Variants in MAPK4 observed in about 807,000 individuals in gnomAD.
MAPK4 encodes the protein mitogen-activated protein kinase 4.
Under a neutral mutation model 47.7 loss-of-function variants are expected in MAPK4, and 22 were observed. That is an observed-to-expected ratio of 0.46 (90% CI 0.33 to 0.66). MAPK4 has a LOEUF of 0.66. Ranked by LOEUF, MAPK4 falls within the 30% of genes least tolerant of loss-of-function variation. MAPK4 has a pLI of 0.02. For missense variants in MAPK4, 736 were observed against 831.7 expected (o/e 0.88, Z 1.42); for synonymous variants, 390 against 365.7 (o/e 1.07, Z -0.76).
intron 2 of MAPK4, among the ~76,000 whole-genome samples, chr18:50,699,746 G>GGAGAT (rs1342587537): frequency 3.9e-5 from 6 of 152,156 alleles, no homozygotes; most frequent in African/African-American, 1.4e-4. Flanking sequence ...CTACAAATTT[G>GGAGAT]GAGATTCTCA....
chr18:50,625,213 A>G lies in MAPK4; in HGVS notation c.-870-37876A>G, dbSNP rs553042677. The stretch of plus-strand genomic sequence containing the variant: ...TGGGAGAGAGAACAAGTCAAGGAGG[A>G]ACCAAAGCTGGTCCTGGAAAATGCA... On this transcript the variant is annotated intron_variant, in intron 1 of 5. Transcript: ENST00000400384. Among the ~76,000 whole-genome samples, 8 of 152,246 alleles carry G rather than the reference A, an allele frequency of 5.3e-5. No homozygotes were observed. The South Asian group carries it at 1.7e-3, about 32-fold the overall frequency.
intron 4 of MAPK4, among the ~76,000 whole-genome samples, chr18:50,725,563 A>G (rs1193910103): frequency 1.3e-5 from 2 of 152,216 alleles, no homozygotes; most frequent in African/African-American, 2.4e-5. Flanking sequence ...GGAGGATCCC[A>G]GATGCCCACA....
At position 50,729,608 on chromosome 18, in the gene MAPK4, C is replaced by T. The variant is rs866724311; in HGVS notation, c.1518C>T (p.His506=). ...AGAGCACGCAGGGCGGCCCAGAGCA[C>T]GCCAGCCCGCCCGCCGACGACCCCG... is the stretch of plus-strand genomic sequence containing the variant. ...WVKSTQGGPE[H]ASPPADDPER... is the part of the protein sequence containing the mutation. Residue 506 remains histidine (H), a synonymous_variant, in exon 6 of 6, where the codon CAC becomes CAT. Coordinates refer to ENST00000400384, the MANE Select transcript of MAPK4 (RefSeq NM_002747.4). 3 of 1,376,322 alleles carry T rather than the reference C, an allele frequency of 2.2e-6. No individual in the cohort carries two copies. Among genetic ancestry groups the T allele is most frequent in the Admixed American group, 3.8e-5 (1 of 26,540 alleles). The allele number at this position is 1,376,322 out of a possible 1,614,324, so 85.3% of individuals were successfully genotyped here.
intron 1 of MAPK4, among the ~76,000 whole-genome samples, chr18:50,622,536 C>T (rs2042741519): frequency 6.6e-6 from 1 of 152,220 alleles, no homozygotes; most frequent in East Asian, 1.9e-4. Context: ...GCCACTGAGT[C>T]TGCTGACAGC....
intron 1 of MAPK4, among the ~76,000 whole-genome samples, chr18:50,626,429 T>C (rs2042778877): frequency 6.6e-6 from 1 of 152,038 alleles, no homozygotes; most frequent in Non-Finnish European, 1.5e-5. Flanking sequence ...GCGTCTGCGG[T>C]CCTTGCACAC....
Position 50,718,857 on chromosome 18 carries a change from G to A in MAPK4, c.692-3081G>A, listed in dbSNP as rs551076198. 5.9e-5 allele frequency among the ~76,000 whole-genome samples: 9 copies of A among 152,102 alleles called. No individual in the cohort carries two copies. In the South Asian group the frequency reaches 1.2e-3, roughly 21 times the overall value. ...AGCACTTTGGGAGGCCGAGGTGGGC[G>A]GATTGCCTGAGGTCAGGAGCTCCAG... On this transcript the variant is annotated intron_variant, in intron 3 of 5. Coordinates refer to ENST00000400384, the MANE Select transcript of MAPK4 (RefSeq NM_002747.4).
At chr18:50,609,458 A>G (rs1401599369) in intron 1 of MAPK4, among the ~76,000 whole-genome samples, 1 of 151,948 alleles carries the variant, frequency 6.6e-6, no homozygotes, top group Non-Finnish European at 1.5e-5. Context: ...ACTGAGGCTC[A>G]TGTAGGTAAA....
intron 1 of MAPK4, among the ~76,000 whole-genome samples, chr18:50,592,659 T>C (rs1168564196): frequency 3.3e-5 from 5 of 152,256 alleles, no homozygotes; most frequent in African/African-American, 1.2e-4. Flanking sequence ...GGAAAATTTA[T>C]TGATTGATCA....
At chr18:50,680,222 G>A (rs893901248) in intron 2 of MAPK4, among the ~76,000 whole-genome samples, 7 of 150,552 alleles carry the variant, frequency 4.6e-5, no homozygotes, top group African/African-American at 1.7e-4. Flanking sequence ...CTTCCAAGTA[G>A]CTGGGATTAC....
chr18:50,612,014 C>T (rs1463977545), intron 1 of MAPK4, among the ~76,000 whole-genome samples: 2 of 152,166 alleles, frequency 1.3e-5, no homozygotes, highest in African/African-American at 4.8e-5. Flanking sequence ...CATGTTTACA[C>T]TATGTGACCA....
At chr18:50,674,740 G>C (rs115813343) in intron 2 of MAPK4, among the ~76,000 whole-genome samples, 1,895 of 152,260 alleles carry the variant, frequency 0.012, 43 homozygotes, top group African/African-American at 0.043. Context: ...GTGATGATCT[G>C]TTTACATGCC....
chr18:50,633,187 G>A (rs1158535060), intron 1 of MAPK4, among the ~76,000 whole-genome samples: 1 of 152,218 alleles, frequency 6.6e-6, no homozygotes, highest in Non-Finnish European at 1.5e-5. Flanking sequence ...TGTGGCATAA[G>A]AGAGATGGAA....
intron 2 of MAPK4, among the ~76,000 whole-genome samples, chr18:50,696,912 A>C (rs979285619): frequency 6.6e-6 from 1 of 151,870 alleles, no homozygotes. Flanking sequence ...ACCTGGAGAG[A>C]GAAAAAAGTG....
At chr18:50,710,543 C>T (rs370441657) in intron 2 of MAPK4, among the ~76,000 whole-genome samples, 2 of 151,786 alleles carry the variant, frequency 1.3e-5, no homozygotes, top group Non-Finnish European at 1.5e-5. Flanking sequence ...TTTGGGAGGC[C>T]GAGGTGGACA....
chr18:50,630,707 A>G (rs1450762390), intron 1 of MAPK4, among the ~76,000 whole-genome samples: 1 of 152,212 alleles, frequency 6.6e-6, no homozygotes, highest in Non-Finnish European at 1.5e-5. Flanking sequence ...GTAAACAAAT[A>G]TTAGGATTAG....
intron 1 of MAPK4, among the ~76,000 whole-genome samples, chr18:50,585,471 G>T (rs2042380111): frequency 6.6e-6 from 1 of 152,116 alleles, no homozygotes; most frequent in South Asian, 2.1e-4. Flanking sequence ...TTTGACAGTG[G>T]GGTAGGTAAT....
chr18:50,634,651 T>G (rs958942473), intron 1 of MAPK4, among the ~76,000 whole-genome samples: 2 of 152,138 alleles, frequency 1.3e-5, no homozygotes, highest in Non-Finnish European at 2.9e-5. Context: ...ATGGAAGAAA[T>G]TCTGTGATCT....
chr18:50,680,600 C>T (rs1908536021), intron 2 of MAPK4, among the ~76,000 whole-genome samples: 1 of 152,130 alleles, frequency 6.6e-6, no homozygotes, highest in Admixed American at 6.5e-5. Flanking sequence ...CCTCATCCCC[C>T]AACCTTAGAC....
At chr18:50,596,477 C>T (rs1476260431) in intron 1 of MAPK4, among the ~76,000 whole-genome samples, 1 of 152,150 alleles carries the variant, frequency 6.6e-6, no homozygotes, top group East Asian at 1.9e-4. Flanking sequence ...TGAGAATTCT[C>T]TTGTGGGAGA....
Sources: allele counts gnomAD v4.1 joint callset (sites outside exome capture counted in the v4.1 genomes callset), GRCh38; gene constraint gnomAD v4.1.1; transcripts MANE v1.5; gene names NCBI Gene and HGNC (gene_info 2026-07-23, HGNC 2026-07-21).